Variants in PRKAG2 observed in about 807,000 individuals in gnomAD.
The protein encoded by PRKAG2 is protein kinase AMP-activated non-catalytic subunit gamma 2, also known as 5'-AMP-activated protein kinase subunit gamma-2.
PRKAG2 carries 26 observed loss-of-function variants against 69.6 expected under a neutral mutation model. The ratio of observed to expected loss-of-function variants is 0.37; its 90% confidence interval spans 0.27 to 0.52. The LOEUF (loss-of-function observed/expected upper bound fraction) is 0.52, where lower values mean the gene tolerates loss of function less well. PRKAG2 is among the 20% of genes least tolerant of loss of function. PRKAG2 has a pLI of 0.90. For missense variants in PRKAG2, 557 were observed against 740.0 expected (o/e 0.75, Z 2.87); for synonymous variants, 293 against 285.0 (o/e 1.03, Z -0.28).
chr7:151,775,729 C>T (rs1028934969), intron 3 of PRKAG2, among the ~76,000 whole-genome samples: 2 of 152,186 alleles, frequency 1.3e-5, no homozygotes, highest in Non-Finnish European at 2.9e-5. Context: ...GGTACCAAGA[C>T]CAGACAGCAA....
intron 3 of PRKAG2, chr7:151,736,348 AG>A: frequency 1.9e-6 from 2 of 1,052,748 alleles, no homozygotes; most frequent in Non-Finnish European, 1.2e-6. Context: ...TTGTTGATGT[AG>A]TTAAGGTCAG....
chr7:151,876,319 G>A (rs1184229999), intron 1 of PRKAG2, among the ~76,000 whole-genome samples, 188 bp downstream of exon 1: 1 of 152,030 alleles, frequency 6.6e-6, no homozygotes, highest in Non-Finnish European at 1.5e-5. Context: ...CGCGGGCAGA[G>A]AGAGAGATTG....
At chr7:151,804,587 G>C (rs1287643203) in intron 1 of PRKAG2, among the ~76,000 whole-genome samples, 1 of 152,286 alleles carries the variant, frequency 6.6e-6, no homozygotes, top group East Asian at 1.9e-4. Context: ...GCATTGGACA[G>C]TTTGCTCTCC....
At chr7:151,619,542 C>T (rs6946911) in intron 5 of PRKAG2, among the ~76,000 whole-genome samples, 1,902 of 152,252 alleles carry the variant, frequency 0.012, 28 homozygotes, top group African/African-American at 0.043. Context: ...GGCACCTTTG[C>T]TTTCTGATGG....
intron 1 of PRKAG2, among the ~76,000 whole-genome samples, chr7:151,863,377 G>A (rs961538970): frequency 2.6e-5 from 4 of 152,054 alleles, no homozygotes; most frequent in African/African-American, 9.7e-5. Flanking sequence ...GGACAGTGTG[G>A]GAGCCCTTTG....
chr7:151,715,293 G>T (rs185399831), intron 3 of PRKAG2, among the ~76,000 whole-genome samples: 2 of 115,604 alleles, frequency 1.7e-5, no homozygotes, highest in Non-Finnish European at 1.7e-5. Flanking sequence ...TGGGATTACC[G>T]GCATGAGCCA....
At chr7:151,630,626 G>C (rs1280160909) in intron 5 of PRKAG2, among the ~76,000 whole-genome samples, 1 of 152,216 alleles carries the variant, frequency 6.6e-6, no homozygotes, top group Non-Finnish European at 1.5e-5. Context: ...CTGCTCTCTA[G>C]TTCTTCTTGC....
Position 151,716,857 on chromosome 7 carries a change from C to T in PRKAG2, c.467-41220G>A, listed in dbSNP as rs1023229650. Among the ~76,000 whole-genome samples the T allele has an allele frequency of 1.1e-4, 16 of 152,296 alleles. No homozygotes were observed. The East Asian group carries it at 1.9e-3, about 18-fold the overall frequency. On this transcript the variant is annotated intron_variant, in intron 3 of 15. Coordinates refer to ENST00000287878, the MANE Select transcript of PRKAG2 (RefSeq NM_016203.4). ...GTGGAGCAGAGATGGGTACACACCCCGCACCTTCAGCTTCCAGAGCGTTTT... is the reference window on the plus strand; with the variant it reads ...GTGGAGCAGAGATGGGTACACACCCTGCACCTTCAGCTTCCAGAGCGTTTT...
At chr7:151,620,446 G>A (rs1821204697) in intron 5 of PRKAG2, among the ~76,000 whole-genome samples, 3 of 151,864 alleles carry the variant, frequency 2.0e-5, no homozygotes, top group African/African-American at 7.3e-5. Context: ...AAGAAGCTGG[G>A]ACTAGATTTC....
At chr7:151,813,971 A>C (rs1456303799) in intron 1 of PRKAG2, among the ~76,000 whole-genome samples, 1 of 152,196 alleles carries the variant, frequency 6.6e-6, no homozygotes, top group Non-Finnish European at 1.5e-5. Flanking sequence ...AGGAAGGGCA[A>C]GGCCAGGCAA....
At chr7:151,584,219 T>C (rs1285845953) in intron 6 of PRKAG2, among the ~76,000 whole-genome samples, 1 of 152,204 alleles carries the variant, frequency 6.6e-6, no homozygotes, top group African/African-American at 2.4e-5. Flanking sequence ...ATGGAAGGAC[T>C]GTTTTCTGGA....
intron 3 of PRKAG2, among the ~76,000 whole-genome samples, chr7:151,720,946 G>T (rs1208781071): frequency 6.8e-6 from 1 of 146,950 alleles, no homozygotes; most frequent in African/African-American, 2.5e-5. Flanking sequence ...ATGGAGCGGG[G>T]TAATAAGGGC....
chr7:151,729,971 G>C (rs1798668339), intron 3 of PRKAG2, among the ~76,000 whole-genome samples: 1 of 152,208 alleles, frequency 6.6e-6, no homozygotes, highest in Admixed American at 6.5e-5. Flanking sequence ...GAGGTCCCTG[G>C]AGTTATCACA....
intron 5 of PRKAG2, among the ~76,000 whole-genome samples, chr7:151,626,033 A>C (rs942597455): frequency 5.3e-5 from 8 of 152,182 alleles, no homozygotes; most frequent in African/African-American, 1.7e-4. Context: ...TAGGGCCAAG[A>C]GGCCATTCTT....
chr7:151,832,118 G>A (rs939844363), intron 1 of PRKAG2, among the ~76,000 whole-genome samples: 3 of 152,102 alleles, frequency 2.0e-5, no homozygotes, highest in African/African-American at 7.2e-5. Context: ...TCTGAGGCCT[G>A]GGGGAAGGGG....
intron 3 of PRKAG2, among the ~76,000 whole-genome samples, chr7:151,773,050 AGAGGGAGGGAGGGAGGGAGGGAGG>A (rs71198730): frequency 1.8e-4 from 6 of 32,570 alleles, no homozygotes; most frequent in African/African-American, 4.1e-4. Context: ...AGAGAGAGAG[AGAGGGAGGGAGGGAGGGAGGGAGG>A]GAGGGAGGGA....
intron 3 of PRKAG2, among the ~76,000 whole-genome samples, chr7:151,689,356 G>C (rs190134390): frequency 1.3e-4 from 20 of 152,298 alleles, no homozygotes; most frequent in Admixed American, 4.6e-4. Flanking sequence ...AAGGGCTGTG[G>C]GTGATGCAGG....
At chr7:151,624,606 A>G (rs894049196) in intron 5 of PRKAG2, among the ~76,000 whole-genome samples, 1 of 152,140 alleles carries the variant, frequency 6.6e-6, no homozygotes, top group Non-Finnish European at 1.5e-5. Flanking sequence ...CACGGCCATG[A>G]AAGGAAGGTG....
intron 3 of PRKAG2, among the ~76,000 whole-genome samples, chr7:151,764,033 A>C (rs1312030418): frequency 6.6e-6 from 1 of 152,060 alleles, no homozygotes; most frequent in East Asian, 1.9e-4. Flanking sequence ...TGAAGTTAAA[A>C]CCAAGTTAGA....
Sources: gnomAD v4.1 joint callset for allele counts (sites outside exome capture counted in the v4.1 genomes callset) on GRCh38, gnomAD v4.1.1 for gene constraint, MANE v1.5 for transcripts, NCBI Gene and HGNC (gene_info 2026-07-23, HGNC 2026-07-21) for gene names.